Variants in FBXL18 observed in about 807,000 individuals in gnomAD.
FBXL18 encodes the protein F-box/LRR-repeat protein 18.
FBXL18 carries 36 observed loss-of-function variants against 46.0 expected under a neutral mutation model. That is an observed-to-expected ratio of 0.78 (90% confidence interval 0.60 to 1.03). FBXL18 has a LOEUF of 1.03. Among genes scored for constraint, FBXL18 ranks in the 50% least tolerant of loss-of-function variants. The pLI, the probability that FBXL18 is intolerant of heterozygous loss-of-function variation, is 0.00. For synonymous variants in FBXL18, 557 were observed against 465.3 expected, an observed-to-expected ratio of 1.20 and a Z score of -2.54; for missense variants, 977 against 1,004.1, an observed-to-expected ratio of 0.97 and a Z score of 0.36.
intron 4 of FBXL18, among the ~76,000 whole-genome samples, chr7:5,458,715 G>A (rs1198136756): frequency 6.6e-6 from 1 of 151,606 alleles, no homozygotes; most frequent in African/African-American, 2.4e-5. Flanking sequence ...AAAAAAATTA[G>A]CTGGGCGTGG....
In FBXL18 at chr7:5,491,387, G is replaced by T; in HGVS notation, c.1844C>A (p.Ser615Ter). The change falls in exon 4 of 5, where the codon TCG becomes TAG. Residue 615 changes from serine to a stop codon, truncating the protein, a stop_gained. Transcript: ENST00000382368. LOFTEE classifies it high-confidence loss of function. The stretch of plus-strand genomic sequence containing the variant: ...AGAGACCAGGCACAGGCGCTGCAGC[G>T]AGGGGCACTGGCTCAGCGCCTGGAA... ...QFFQALSQCP[S>*]LQRLCLVSRS... 6.2e-7 allele frequency: 1 copy of T among 1,607,442 alleles called. No individual in the cohort carries two copies.
At chr7:5,461,557 T>G (rs1051297611) in intron 4 of FBXL18, among the ~76,000 whole-genome samples, 2 of 152,046 alleles carry the variant, frequency 1.3e-5, no homozygotes, top group Non-Finnish European at 2.9e-5. Context: ...GTGGGAGGAT[T>G]GCTTACACCC....
At chr7:5,456,321 T>C (rs1783174513) in intron 4 of FBXL18, among the ~76,000 whole-genome samples, 1 of 152,132 alleles carries the variant, frequency 6.6e-6, no homozygotes, top group Non-Finnish European at 1.5e-5. Context: ...CAGTTTCCAC[T>C]TCACCCCTTC....
chr7:5,508,752 A>C (rs567913673), intron 1 of FBXL18, among the ~76,000 whole-genome samples: 1 of 152,264 alleles, frequency 6.6e-6, no homozygotes, highest in East Asian at 1.9e-4. Context: ...ATCAGAGACA[A>C]TCTTTATCAG....
At chr7:5,499,307 C>T (rs900419938) in intron 3 of FBXL18, among the ~76,000 whole-genome samples, 3 of 148,684 alleles carry the variant, frequency 2.0e-5, no homozygotes, top group Non-Finnish European at 3.0e-5. Flanking sequence ...TACTCCCTCC[C>T]ACCTCCCATT....
intron 1 of FBXL18, among the ~76,000 whole-genome samples, chr7:5,506,058 GT>G (rs1784387329): frequency 6.6e-6 from 1 of 152,046 alleles, no homozygotes; most frequent in Non-Finnish European, 1.5e-5. Flanking sequence ...TAGAGACGGG[GT>G]TTCCCTATGT....
At chr7:5,513,542 G>C (rs1383343378) in intron 1 of FBXL18, 115 bp downstream of exon 1, 23 of 1,188,744 alleles carry the variant, frequency 1.9e-5, no homozygotes, top group Non-Finnish European at 2.7e-5. Context: ...GAAGGACGGG[G>C]CGGGGTAGGG....
At chr7:5,503,538 T>C (rs1006565553) in intron 2 of FBXL18, among the ~76,000 whole-genome samples, 46 of 152,158 alleles carry the variant, frequency 3.0e-4, no homozygotes, top group South Asian at 8.3e-4. Flanking sequence ...CTTTTTTTTT[T>C]TTGTACAGAT....
At chr7:5,459,983 G>A (rs1248825350) in intron 4 of FBXL18, among the ~76,000 whole-genome samples, 1 of 152,140 alleles carries the variant, frequency 6.6e-6, no homozygotes, top group Non-Finnish European at 1.5e-5. Context: ...CTTTTGGCCA[G>A]GCACAGTGGC....
Position 5,477,661 on chromosome 7 carries a change from G to C in FBXL18, c.*4114C>G, listed in dbSNP as rs917189668. 6.6e-6 allele frequency: 1 copy of C among 151,776 alleles called. No individual in the cohort carries two copies. The highest frequency in any genetic ancestry group is 1.5e-5 in the Non-Finnish European group (1 of 67,994). 9.4% of individuals were successfully genotyped at this position (151,776 alleles called of 1,614,324 possible). A position where few individuals can be genotyped will look rare whatever the true frequency, so the allele number is the denominator to read the frequency against. On this transcript the variant is annotated 3_prime_UTR_variant, in exon 5 of 5. Coordinates refer to ENST00000382368, the MANE Select transcript of FBXL18 (RefSeq NM_024963.6). The surrounding 1 kb of genome is among the most constrained non-coding windows in gnomAD (Gnocchi z 4.4). ...AGGTTGTAGTGAGTGAGCTGAGATC[G>C]TGCCACTGCACTCCAGCCTGGGGGA... is the stretch of plus-strand genomic sequence containing the variant.
chr7:5,505,598 A>T lies in FBXL18; in HGVS notation c.51T>A (p.Pro17=). The T allele has an allele frequency of 6.2e-7, 1 of 1,614,006 alleles. No homozygotes were observed. The part of the protein sequence containing the change: ...DISNDDDDMH[P]AAAGMADGVH... ...CCCCGTCTGCCATCCCGGCTGCTGC[A>T]GGGTGCATGTCATCATCATCATTGG... Residue 17 remains proline, a synonymous_variant, in exon 2 of 5, where the codon CCT becomes CCA. Coordinates refer to ENST00000382368, the MANE Select transcript of FBXL18 (RefSeq NM_024963.6).
chr7:5,487,297 G>A (rs1008455553), intron 4 of FBXL18, among the ~76,000 whole-genome samples: 3 of 152,260 alleles, frequency 2.0e-5, no homozygotes, highest in African/African-American at 4.8e-5. Context: ...CCGTGGACGG[G>A]GCCTCTCCCA....
At chr7:5,497,355 C>G (rs1448646262) in intron 3 of FBXL18, among the ~76,000 whole-genome samples, 1 of 152,194 alleles carries the variant, frequency 6.6e-6, no homozygotes, top group Non-Finnish European at 1.5e-5. Flanking sequence ...AACCACCCCG[C>G]TCCCCACGCA....
At chr7:5,486,062 A>AAAATAAAT (rs36047680) in intron 4 of FBXL18, among the ~76,000 whole-genome samples, 4,812 of 139,716 alleles carry the variant, frequency 0.034, 235 homozygotes, top group African/African-American at 0.11. Context: ...CTGTCTCAAA[A>AAAATAAAT]AAATAAATAA....
At position 5,500,614 on chromosome 7, in the gene FBXL18, T is replaced by A; in HGVS notation, c.1655A>T (p.Asn552Ile). ...CAACTGCTGGCACTGCAGGCCGATATTGACCAGCCCGGAGCCCGTAAGGAC... is the reference window on the plus strand; with the variant it reads ...CAACTGCTGGCACTGCAGGCCGATAATGACCAGCCCGGAGCCCGTAAGGAC... ...PSVLTGSGLV[N>I]IGLQCQQLRS... The change falls in exon 3 of 5, where the codon AAT becomes ATT. Residue 552 changes from asparagine to isoleucine, a missense_variant. Asn to Ile is a moderately radical substitution (Grantham distance 149). Coordinates refer to ENST00000382368, the MANE Select transcript of FBXL18 (RefSeq NM_024963.6). The A allele has an allele frequency of 6.2e-7, 1 of 1,613,266 alleles. No individual in the cohort carries two copies. Among genetic ancestry groups the A allele is most frequent in the Non-Finnish European group, 8.5e-7 (1 of 1,179,870 alleles).
Position 5,504,066 on chromosome 7 carries a change from T to C in FBXL18, c.237+1346A>G, listed in dbSNP as rs565516475. Among the ~76,000 whole-genome samples, 13 of 150,380 alleles carry C rather than the reference T, an allele frequency of 8.6e-5. No individual in the cohort carries two copies. In the South Asian group the frequency reaches 2.7e-3, roughly 32 times the overall value. ...AACAAAGCTTCATGGAGAGGAGGCC[T>C]GGAGGCCTGATACCAGCGTTGCAGG... On this transcript the variant is annotated intron_variant, in intron 2 of 4. Coordinates refer to ENST00000382368, the MANE Select transcript of FBXL18 (RefSeq NM_024963.6).
chr7:5,471,822 G>A (rs1218995339), downstream of FBXL18, among the ~76,000 whole-genome samples: 2 of 152,186 alleles, frequency 1.3e-5, no homozygotes, highest in South Asian at 2.1e-4. Flanking sequence ...CACAAAACAG[G>A]GGCATCATGG....
downstream of FBXL18, among the ~76,000 whole-genome samples, chr7:5,474,932 T>C (rs1783485730): frequency 6.7e-6 from 1 of 148,198 alleles, no homozygotes; most frequent in African/African-American, 2.5e-5. Context: ...GTGGTCTTGA[T>C]CTCCTGACCT....
intron 4 of FBXL18, among the ~76,000 whole-genome samples, chr7:5,486,238 C>A (rs1783772493): frequency 6.7e-5 from 6 of 89,712 alleles, no homozygotes; most frequent in African/African-American, 4.8e-5. Context: ...GCAAAAAGAG[C>A]AAAACTCCAT....
Sources: gnomAD v4.1 joint callset for allele counts (sites outside exome capture counted in the v4.1 genomes callset) on GRCh38, gnomAD v4.1.1 for gene constraint, Gnocchi (gnomAD v3.1) non-coding constraint, MANE v1.5 for transcripts, NCBI Gene and HGNC (gene_info 2026-07-23, HGNC 2026-07-21) for gene names.